Variants in PDPN observed in about 807,000 individuals in gnomAD.
PDPN encodes PA2.26 antigen.
A neutral mutation model predicts 23.2 loss-of-function variants in PDPN; 12 were observed. The ratio of observed to expected loss-of-function variants is 0.52; its 90% CI spans 0.33 to 0.84. The LOEUF (loss-of-function observed/expected upper bound fraction) is 0.84, where lower values mean the gene tolerates loss of function less well. Ranked by LOEUF, PDPN falls within the 40% of genes least tolerant of loss-of-function variation. The pLI is 0.02. For synonymous variants in PDPN, 77 were observed against 76.7 expected (o/e 1.00, Z -0.02); for missense variants, 199 against 212.2 (o/e 0.94, Z 0.39).
chr1:13,611,950 T>C (rs1460289429), intron 3 of PDPN, among the ~76,000 whole-genome samples: 1 of 152,200 alleles, frequency 6.6e-6, no homozygotes, highest in Non-Finnish European at 1.5e-5. Context: ...GTAACGTGGG[T>C]TGACAGCTAA....
At chr1:13,613,762 G>T in intron 4 of PDPN, 37 bp downstream of exon 4, 1 of 1,246,828 alleles carries the variant, frequency 8.0e-7, no homozygotes, top group Non-Finnish European at 1.2e-6. Context: ...CTCTTACTGG[G>T]GTTTTTTAAA....
At chr1:13,604,160 ATGCGTGTG>A (rs1374998717) in intron 1 of PDPN, among the ~76,000 whole-genome samples, 3 of 152,156 alleles carry the variant, frequency 2.0e-5, no homozygotes, top group African/African-American at 7.2e-5. Context: ...GTGTGTGTGT[ATGCGTGTG>A]TGCGTGCATA....
intron 2 of PDPN, among the ~76,000 whole-genome samples, chr1:13,609,709 C>T (rs1183474402): frequency 6.6e-6 from 1 of 152,192 alleles, no homozygotes; most frequent in African/African-American, 2.4e-5. Context: ...TGGTTTATTT[C>T]ACTTAGCATA....
chr1:13,588,185 C>T (rs1640230963), intron 1 of PDPN, among the ~76,000 whole-genome samples: 1 of 152,030 alleles, frequency 6.6e-6, no homozygotes, highest in Admixed American at 6.6e-5. Context: ...GGCTCTTGAC[C>T]CCCATCCAGA....
intron 1 of PDPN, among the ~76,000 whole-genome samples, chr1:13,591,404 G>T (rs1570015295): frequency 6.6e-6 from 1 of 152,088 alleles, no homozygotes; most frequent in Non-Finnish European, 1.5e-5. Context: ...CAATTCAGTG[G>T]TCTTCAGTAA....
At chr1:13,614,764 G>A in intron 5 of PDPN, 2 of 486,728 alleles carry the variant, frequency 4.1e-6, no homozygotes, top group South Asian at 1.5e-5. Flanking sequence ...TCCAGCCTGG[G>A]TGACAGAGCA....
intron 1 of PDPN, among the ~76,000 whole-genome samples, chr1:13,596,975 C>T (rs77115659): frequency 0.033 from 5,023 of 152,068 alleles, 200 homozygotes; most frequent in African/African-American, 0.09. Flanking sequence ...TTCTACTGTT[C>T]GGGGTGTGTT....
intron 1 of PDPN, among the ~76,000 whole-genome samples, chr1:13,594,261 A>C (rs1640430349): frequency 6.6e-6 from 1 of 152,182 alleles, no homozygotes; most frequent in African/African-American, 2.4e-5. Context: ...ATGTTATCAA[A>C]TTCTATACTA....
chr1:13,615,756 T>G, intron 5 of PDPN, 149 bp from the exon 6 acceptor site: 2 of 784,864 alleles, frequency 2.5e-6, no homozygotes, highest in Non-Finnish European at 2.2e-6. Context: ...GACGAAGGCA[T>G]GGAGGAGGAA....
At chr1:13,610,311 CT>C in intron 2 of PDPN, 75 bp from the exon 3 acceptor site, 1 of 1,304,142 alleles carries the variant, frequency 7.7e-7, no homozygotes, top group South Asian at 1.3e-5. Flanking sequence ...ACCTTAAATC[CT>C]TTTATAAGGC....
At chr1:13,605,729 T>C (rs886621605) in intron 1 of PDPN, among the ~76,000 whole-genome samples, 5 of 152,142 alleles carry the variant, frequency 3.3e-5, no homozygotes, top group Non-Finnish European at 7.3e-5. Flanking sequence ...TTCAAGCGAT[T>C]CTCCTGCCTC....
At chr1:13,591,377 A>T (rs531376781) in intron 1 of PDPN, among the ~76,000 whole-genome samples, 1 of 152,322 alleles carries the variant, frequency 6.6e-6, no homozygotes, top group South Asian at 2.1e-4. Context: ...CCATAAAATT[A>T]ACCCATTTAA....
chr1:13,593,926 T>C (rs906099220), intron 1 of PDPN, among the ~76,000 whole-genome samples: 1 of 152,206 alleles, frequency 6.6e-6, no homozygotes, highest in African/African-American at 2.4e-5. Context: ...GTGATTTCAG[T>C]CTACAAAACT....
chr1:13,587,144 A>C (rs1337565331), intron 1 of PDPN, among the ~76,000 whole-genome samples: 2 of 152,258 alleles, frequency 1.3e-5, no homozygotes, highest in African/African-American at 4.8e-5. Flanking sequence ...AAATTTTCTA[A>C]AGATACGAGA....
At chr1:13,593,526 G>A (rs1355254172) in intron 1 of PDPN, among the ~76,000 whole-genome samples, 2 of 152,152 alleles carry the variant, frequency 1.3e-5, no homozygotes, top group Non-Finnish European at 2.9e-5. Flanking sequence ...TTCGAGGTCC[G>A]AAACCAGGCT....
intron 1 of PDPN, among the ~76,000 whole-genome samples, chr1:13,594,762 G>A (rs2100224232): frequency 6.6e-6 from 1 of 152,016 alleles, no homozygotes; most frequent in South Asian, 2.1e-4. Flanking sequence ...CGAGGTGGGC[G>A]GATCACCAGG....
chr1:13,606,548 G>A (rs1640794254), intron 1 of PDPN, among the ~76,000 whole-genome samples: 2 of 152,078 alleles, frequency 1.3e-5, no homozygotes, highest in South Asian at 4.2e-4. Flanking sequence ...AGCACTTGTA[G>A]TCCCCGCTAC....
chr1:13,588,980 A>AGCGCTACTATTCAATAAATTGAATAGC lies in PDPN; in HGVS notation c.67+4882_67+4883insGCTACTATTCAATAAATTGAATAGCGC, dbSNP rs1553143570. 2.5e-4 allele frequency among the ~76,000 whole-genome samples: 32 copies of AGCGCTACTATTCAATAAATTGAATAGC among 126,904 alleles called. 7 individuals are homozygous for AGCGCTACTATTCAATAAATTGAATAGC. Among genetic ancestry groups the AGCGCTACTATTCAATAAATTGAATAGC allele is most frequent in the South Asian group, 4.7e-4 (2 of 4,230 alleles). The allele number at this position is 126,904 out of a possible 152,430, so 83.3% of individuals were successfully genotyped here. ...ATACCCGGCCAACAATTCATTGAAT[A>AGCGCTACTATTCAATAAATTGAATAGC]GCTACTATTCAATAAATATTTATTG... On this transcript the variant is annotated intron_variant, in intron 1 of 5. Coordinates refer to ENST00000621990, the MANE Select transcript of PDPN (RefSeq NM_006474.5).
intron 1 of PDPN, among the ~76,000 whole-genome samples, chr1:13,598,308 T>A (rs1640550345): frequency 2.0e-5 from 3 of 152,090 alleles, no homozygotes; most frequent in Admixed American, 6.6e-5. Flanking sequence ...TGAGCCACCA[T>A]GCCTGTCCCG....
Sources: allele counts gnomAD v4.1 joint callset (sites outside exome capture counted in the v4.1 genomes callset), GRCh38; gene constraint gnomAD v4.1.1; transcripts MANE v1.5; gene names NCBI Gene and HGNC (gene_info 2026-07-23, HGNC 2026-07-21).